The following LYPD4 variants were observed in gnomAD, a reference collection of about 807,000 sequenced individuals.
LYPD4 encodes the protein LY6/PLAUR domain containing 4.
Under a neutral mutation model 18.2 loss-of-function variants are expected in LYPD4, and 20 were observed. That is an observed-to-expected ratio of 1.10 (90% CI 0.77 to 1.59). The LOEUF is 1.59. Among genes scored for constraint, LYPD4 ranks in the 40% most tolerant of loss-of-function variants. The pLI is 0.00. For missense variants in LYPD4, 278 were observed against 300.3 expected, an observed-to-expected ratio of 0.93 and a Z score of 0.55; for synonymous variants, 111 against 118.3, an observed-to-expected ratio of 0.94 and a Z score of 0.40.
At chr19:41,840,428 G>T (rs1555833010) in intron 1 of LYPD4, among the ~76,000 whole-genome samples, 2 of 152,122 alleles carry the variant, frequency 1.3e-5, no homozygotes, top group African/African-American at 2.4e-5. Context: ...CATATACTAT[G>T]GTTATATAAG....
At chr19:41,840,867 A>C (rs2073565209) in intron 1 of LYPD4, among the ~76,000 whole-genome samples, 1 of 152,084 alleles carries the variant, frequency 6.6e-6, no homozygotes, top group Non-Finnish European at 1.5e-5. Context: ...ATACATCAAA[A>C]TTTGAGACAC....
In LYPD4 at chr19:41,840,115, CACAG is replaced by C. The variant is rs1377906591; in HGVS notation, c.-120-714_-120-711del. On this transcript the variant is annotated intron_variant, in intron 1 of 4. Transcript: ENST00000609812. ...ATATTACATAACACACACATTCACACACAGACATAGACACAGACAGACACACACA... is the reference window on the plus strand; with the variant it reads ...ATATTACATAACACACACATTCACACACATAGACACAGACAGACACACACA... Among the ~76,000 whole-genome samples, 2 of 151,706 alleles carry C rather than the reference CACAG, an allele frequency of 1.3e-5. 1 individual carries two copies. Among genetic ancestry groups the C allele is most frequent in the South Asian group, 4.2e-4 (2 of 4,802 alleles).
downstream of LYPD4, chr19:41,835,767 C>T (rs2123059553): frequency 2.0e-6 from 2 of 985,342 alleles, no homozygotes; most frequent in South Asian, 4.7e-5. Flanking sequence ...ACTTCTGAGG[C>T]CAGGTGCAGG....
intron 1 of LYPD4, among the ~76,000 whole-genome samples, chr19:41,840,677 A>C (rs1265488706): frequency 6.6e-6 from 1 of 152,032 alleles, no homozygotes; most frequent in Non-Finnish European, 1.5e-5. Context: ...AAAACACAAA[A>C]AAATTAGCCA....
intron 1 of LYPD4, among the ~76,000 whole-genome samples, chr19:41,840,825 G>A (rs532286519): frequency 6.7e-6 from 1 of 148,232 alleles, no homozygotes; most frequent in South Asian, 2.1e-4. Context: ...GCGAAACTCC[G>A]TCTCAAAAAA....
intron 1 of LYPD4, among the ~76,000 whole-genome samples, chr19:41,843,317 T>G: frequency 6.6e-6 from 1 of 152,106 alleles, no homozygotes; most frequent in Non-Finnish European, 1.5e-5. Flanking sequence ...CAGAGCCTAC[T>G]ACCTTCTTTA....
At chr19:41,839,454 A>G in intron 1 of LYPD4, 49 bp from the exon 2 acceptor site, 1 of 635,654 alleles carries the variant, frequency 1.6e-6, no homozygotes, top group South Asian at 1.9e-5. Flanking sequence ...AGGCTCCCTC[A>G]GACCTTCTGG....
intron 1 of LYPD4, among the ~76,000 whole-genome samples, chr19:41,841,724 T>C (rs979832769): frequency 7.3e-6 from 1 of 136,678 alleles, no homozygotes; most frequent in Non-Finnish European, 1.6e-5. Flanking sequence ...ACCAAGGAAA[T>C]GCAATCTGTC....
rs782148963 is a variant in LYPD4, at chr19:41,839,212, G to T, written c.67+7C>A. ...GGTCTTATAGCATCCAGCCCCACAG[G>T]ACATACGAGGCAGAGTGGAGATGGC... On this transcript the variant is annotated splice_region_variant and intron_variant, in intron 2 of 4. Transcript: ENST00000609812. The T allele has an allele frequency of 6.2e-7, 1 of 1,614,100 alleles. No individual in the cohort carries two copies. The highest frequency in any genetic ancestry group is 8.5e-7 in the Non-Finnish European group (1 of 1,180,024).
chr19:41,838,151 G>A lies in LYPD4; in HGVS notation c.322C>T (p.Arg108Cys), dbSNP rs200346156. ...PPGVSIASYS[R>C]VCRSYLCNNL... ...TTGCAGAGATAAGACCGGCAGACGC[G>A]ACTGTAGGAGGCAATGGACACTCCG... The change falls in exon 4 of 5, where the codon CGC becomes TGC. Residue 108 changes from arginine to cysteine, a missense_variant. By Grantham distance (180) the Arg-to-Cys change is radical. Coordinates refer to ENST00000609812, the MANE Select transcript of LYPD4 (RefSeq NM_173506.7). 1.5e-5 allele frequency: 24 copies of A among 1,612,438 alleles called. No individual in the cohort carries two copies. The highest frequency in any genetic ancestry group is 1.1e-4 in the East Asian group (5 of 44,824).
downstream of LYPD4, chr19:41,835,259 T>C (rs1555830055): frequency 1.3e-5 from 2 of 152,224 alleles, no homozygotes; most frequent in African/African-American, 4.8e-5. Flanking sequence ...TTTCTTGGGC[T>C]AAGTGATGAG....
At chr19:41,839,694 G>GTGTGTGTGTGTGTGTGTT in intron 1 of LYPD4, 1 of 193,360 alleles carries the variant, frequency 5.2e-6, no homozygotes, top group Non-Finnish European at 1.1e-5. Context: ...GTGTGTGTGT[G>GTGTGTGTGTGTGTGTGTT]TGTGTGTGTG....
At position 41,837,984 on chromosome 19, in the gene LYPD4, G is replaced by A; in HGVS notation, c.489C>T (p.Cys163=). Residue 163 remains cysteine, a synonymous_variant, in exon 4 of 5, where the codon TGC becomes TGT. Transcript: ENST00000609812. ...TGTAACACGTAGAAGCAGCCAAGGG[G>A]CAAGAATTAGTGGTGACAAAATTTG... is the stretch of plus-strand genomic sequence containing the variant. ...CLPNFVTTNS[C]PLAASTCYSS... 1.2e-6 allele frequency: 2 copies of A among 1,613,972 alleles called. No individual in the cohort carries two copies. Among genetic ancestry groups the A allele is most frequent in the African/African-American group, 1.3e-5 (1 of 75,028 alleles).
chr19:41,837,182 C>G lies in LYPD4; in HGVS notation c.702G>C (p.Trp234Cys), dbSNP rs782233987. The change falls in exon 5 of 5, where the codon TGG becomes TGC. Residue 234 changes from tryptophan to cysteine, a missense_variant. Transcript: ENST00000609812. ...GAASSRQDPA[W>C]GVVLGLLFAF... is the part of the protein sequence containing the mutation. ...CAAACAGGAGGCCTAAGACGACACC[C>G]CAAGCAGGATCTTGCCTGGAGGATG... The G allele has an allele frequency of 1.2e-6, 2 of 1,613,984 alleles. No homozygotes were observed. The highest frequency in any genetic ancestry group is 2.2e-5 in the South Asian group (2 of 91,074).
Position 41,838,892 on chromosome 19 carries a change from A to G in LYPD4, c.200T>C (p.Phe67Ser), listed in dbSNP as rs371966671. The G allele has an allele frequency of 7.1e-5, 114 of 1,613,802 alleles. No individual in the cohort carries two copies. Among genetic ancestry groups the G allele is most frequent in the Non-Finnish European group, 8.8e-5 (104 of 1,180,014 alleles). Residue 67 changes from phenylalanine (F) to serine (S), a missense_variant, in exon 3 of 5, where the codon TTC becomes TCC. Coordinates refer to ENST00000609812, the MANE Select transcript of LYPD4 (RefSeq NM_173506.7). ...LQEGCEETLV[F>S]IETGTARGVV... ...TTAGACTGCTTCACCTGTCTCAATGAACACTAGCGTCTCCTCGCAGCCCTC... is the reference window on the plus strand; with the variant it reads ...TTAGACTGCTTCACCTGTCTCAATGGACACTAGCGTCTCCTCGCAGCCCTC...
chr19:41,842,409 G>A (rs1657005865), intron 1 of LYPD4, among the ~76,000 whole-genome samples: 1 of 152,090 alleles, frequency 6.6e-6, no homozygotes, highest in Admixed American at 6.6e-5. Context: ...AAAACATGCT[G>A]GGGATGTACG....
chr19:41,843,919 A>G lies in LYPD4; in HGVS notation c.-462T>C, dbSNP rs1226791308. ...GAAATCCTCAAGCAAAAAAAAAAAA[A>G]AAAAAAAAAAAAAAAAGGATGGAGC... On this transcript the variant is annotated 5_prime_UTR_variant, in exon 1 of 5. Transcript: ENST00000609812. 1 of 149,932 alleles carries G rather than the reference A, an allele frequency of 6.7e-6. No homozygotes were observed. Among genetic ancestry groups the G allele is most frequent in the Non-Finnish European group, 1.5e-5 (1 of 67,520 alleles). The allele number at this position is 149,932 out of a possible 1,614,324, so 9.3% of individuals were successfully genotyped here.
chr19:41,841,905 C>T (rs4803511), intron 1 of LYPD4, among the ~76,000 whole-genome samples: 63,190 of 151,922 alleles, frequency 0.42, 14,912 homozygotes, highest in Middle Eastern at 0.58. Flanking sequence ...GTTGAGAGTT[C>T]TGACCAGGAT....
rs536717838 is a variant in LYPD4 at position 41,839,077 on chromosome 19, C to T, written c.68-53G>A. 1,042 of 1,610,352 alleles carry T rather than the reference C, an allele frequency of 6.5e-4. 1 individual carries two copies. Among genetic ancestry groups the T allele is most frequent in the Middle Eastern group, 1.3e-3 (8 of 6,040 alleles). The stretch of plus-strand genomic sequence containing the variant: ...TGGCCCCTCATATCATCTTCTGAGC[C>T]CGTTAACTGCCAACCAAGAGTTCAG... On this transcript the variant is annotated intron_variant, in intron 2 of 4. Transcript: ENST00000609812.
Sources: allele counts gnomAD v4.1 joint callset (sites outside exome capture counted in the v4.1 genomes callset), GRCh38; gene constraint gnomAD v4.1.1; transcripts MANE v1.5; gene names NCBI Gene and HGNC (gene_info 2026-07-23, HGNC 2026-07-21).